The following SLC12A7 variants were observed in gnomAD, a reference collection of about 807,000 sequenced individuals.
The protein encoded by SLC12A7 is solute carrier family 12 member 7, also known as K-Cl cotransporter 4.
SLC12A7 carries 100 observed loss-of-function variants against 120.6 expected under a neutral mutation model. The observed-to-expected ratio is 0.83, with a 90% CI of 0.71 to 0.98. The LOEUF is 0.98. SLC12A7 is among the 50% of genes least tolerant of loss of function. The pLI is 0.00. For synonymous variants in SLC12A7, 760 were observed against 678.0 expected (o/e 1.12, Z -1.88); for missense variants, 1,373 against 1,548.1 (o/e 0.89, Z 1.90).
chr5:1,102,060 T>C (rs185628014), intron 1 of SLC12A7, among the ~76,000 whole-genome samples: 30 of 152,338 alleles, frequency 2.0e-4, no homozygotes, highest in African/African-American at 6.7e-4. Context: ...CTGTGGTCAG[T>C]AAGCAGATCC....
chr5:1,142,329 TCCTCTCCCCTCTCCCCTCTTC>T, the SLC12A7 span, among the ~76,000 whole-genome samples: 1 of 49,070 alleles, frequency 2.0e-5, no homozygotes, highest in Non-Finnish European at 3.3e-5. Context: ...CTCCCCTCTC[TCCTCTCCCCTCTCCCCTCTTC>T]CCTCTCCCCT....
At chr5:1,112,777 C>T (rs1315789093), upstream of SLC12A7, among the ~76,000 whole-genome samples, 1 of 149,230 alleles carries the variant, frequency 6.7e-6, no homozygotes, top group Non-Finnish European at 1.5e-5. Flanking sequence ...GCTGCAAAGG[C>T]AACTCCAGTG....
Position 1,052,136 on chromosome 5 carries a change from G to A in SLC12A7, c.*224C>T, listed in dbSNP as rs1735101580. The A allele has an allele frequency of 8.6e-6, 5 of 578,236 alleles. No homozygotes were observed. Among genetic ancestry groups the A allele is most frequent in the African/African-American group, 5.6e-5 (3 of 53,430 alleles). The allele number at this position is 578,236 out of a possible 1,614,324, so 35.8% of individuals were successfully genotyped here. ...TAGCAGCGTCTGCCCTCAGATGCAAGGAAATCGTCCAGCCACGCCCTGATT... is the reference window on the plus strand; with the variant it reads ...TAGCAGCGTCTGCCCTCAGATGCAAAGAAATCGTCCAGCCACGCCCTGATT... On this transcript the variant is annotated 3_prime_UTR_variant, in exon 24 of 24. Transcript: ENST00000264930.
intron 1 of SLC12A7, among the ~76,000 whole-genome samples, chr5:1,110,972 G>A (rs755550651): frequency 3.9e-5 from 6 of 152,238 alleles, no homozygotes; most frequent in Non-Finnish European, 7.3e-5. Flanking sequence ...GTCTGGCACC[G>A]GACTTGTCCC....
the SLC12A7 span, among the ~76,000 whole-genome samples, chr5:1,152,447 C>T: frequency 6.6e-6 from 1 of 152,248 alleles, no homozygotes; most frequent in Non-Finnish European, 1.5e-5. Flanking sequence ...CCCGTGGGCT[C>T]ACCCAGCAGG....
chr5:1,125,923 CAAAA>C, the SLC12A7 span, among the ~76,000 whole-genome samples: 11 of 100,598 alleles, frequency 1.1e-4, no homozygotes, highest in Admixed American at 1.1e-4. Flanking sequence ...GGCCCTGCCT[CAAAA>C]AAAAAAAAAA....
At chr5:1,126,074 A>T in the SLC12A7 span, among the ~76,000 whole-genome samples, 1 of 152,108 alleles carries the variant, frequency 6.6e-6, no homozygotes, top group Non-Finnish European at 1.5e-5. Context: ...CCATGAATTC[A>T]TCTATTCTTT....
chr5:1,092,364 C>G (rs932353165), intron 3 of SLC12A7, among the ~76,000 whole-genome samples: 3 of 152,186 alleles, frequency 2.0e-5, no homozygotes, highest in African/African-American at 7.2e-5. Context: ...AGCCGGCCGA[C>G]GGACGCCCCA....
At chr5:1,076,483 C>T (rs75871845) in intron 13 of SLC12A7, among the ~76,000 whole-genome samples, 1 of 135,454 alleles carries the variant, frequency 7.4e-6, no homozygotes, top group African/African-American at 2.7e-5. Flanking sequence ...GTCTGTCCAG[C>T]CACACTGTCC....
At chr5:1,151,155 A>G in the SLC12A7 span, among the ~76,000 whole-genome samples, 1 of 152,252 alleles carries the variant, frequency 6.6e-6, no homozygotes, top group East Asian at 1.9e-4. This position sits in a 1 kb window ranked among gnomAD's most constrained non-coding sequence, Gnocchi z 6.2. Context: ...ATCCCAGCTC[A>G]CAAAGCTCAG....
chr5:1,121,352 C>T, the SLC12A7 span, among the ~76,000 whole-genome samples: 3 of 152,338 alleles, frequency 2.0e-5, no homozygotes, highest in African/African-American at 4.8e-5. Context: ...CTGTGGAGGG[C>T]TGTGCCCCTG....
chr5:1,114,428 G>A (rs988230886), upstream of SLC12A7, among the ~76,000 whole-genome samples: 11 of 152,156 alleles, frequency 7.2e-5, no homozygotes, highest in Non-Finnish European at 1.3e-4. Flanking sequence ...GCCGCTGCAG[G>A]CCCCTCCCAT....
the SLC12A7 span, among the ~76,000 whole-genome samples, chr5:1,142,947 ACTGGGCC>A: frequency 2.0e-5 from 3 of 151,316 alleles, no homozygotes; most frequent in Non-Finnish European, 4.4e-5. Flanking sequence ...CTGGGAGGGC[ACTGGGCC>A]CTGGGCCCCA....
intron 20 of SLC12A7, among the ~76,000 whole-genome samples, chr5:1,062,086 G>A (rs904168315): frequency 6.6e-6 from 1 of 152,192 alleles, no homozygotes; most frequent in East Asian, 1.9e-4. Context: ...AGCATGGGGG[G>A]TGCTGGGAGC....
the SLC12A7 span, among the ~76,000 whole-genome samples, chr5:1,142,358 CCT>C: frequency 1.0e-5 from 1 of 99,382 alleles, no homozygotes; most frequent in East Asian, 3.8e-4. Flanking sequence ...TTCCCTCTCC[CCT>C]CTCCCCTCCA....
chr5:1,082,480 T>C (rs531788043), intron 8 of SLC12A7, among the ~76,000 whole-genome samples: 11 of 122,648 alleles, frequency 9.0e-5, no homozygotes, highest in Non-Finnish European at 1.7e-4. Context: ...TTCTGGAAAG[T>C]CCGGGCTTCC....
the SLC12A7 span, among the ~76,000 whole-genome samples, chr5:1,150,085 CCATTTTTAAAAGGGTG>C: frequency 6.6e-6 from 1 of 152,110 alleles, no homozygotes; most frequent in Non-Finnish European, 1.5e-5. Context: ...AGCCCTTTTC[CCATTTTTAAAAGGGTG>C]TATTTGTTTG....
At chr5:1,135,113 C>G in the SLC12A7 span, among the ~76,000 whole-genome samples, 22 of 152,202 alleles carry the variant, frequency 1.4e-4, no homozygotes, top group Non-Finnish European at 2.8e-4. Context: ...GGCGACAGGG[C>G]AAGACTCCAT....
At position 1,076,689 on chromosome 5, in the gene SLC12A7, C is replaced by T. The variant is rs1272605143; in HGVS notation, c.1748+5G>A. On this transcript the variant is annotated splice_donor_5th_base_variant and intron_variant, in intron 13 of 23. Coordinates refer to ENST00000264930, the MANE Select transcript of SLC12A7 (RefSeq NM_006598.3). Reference sequence around the variant, plus strand: ...TCCCCAGGTCCCCGTCCTGTGGGGGCTCACATGGAGAGGATCGGGGCCACG... The same window carrying T: ...TCCCCAGGTCCCCGTCCTGTGGGGGTTCACATGGAGAGGATCGGGGCCACG... 2 of 1,605,318 alleles carry T rather than the reference C, an allele frequency of 1.2e-6. No individual in the cohort carries two copies. Among genetic ancestry groups the T allele is most frequent in the Admixed American group, 1.7e-5 (1 of 59,990 alleles).
Sources: allele counts gnomAD v4.1 joint callset (sites outside exome capture counted in the v4.1 genomes callset), GRCh38; gene constraint gnomAD v4.1.1; non-coding constraint Gnocchi (gnomAD v3.1); transcripts MANE v1.5; gene names NCBI Gene and HGNC (gene_info 2026-07-23, HGNC 2026-07-21).